APP: variants seen among roughly 807,000 people sequenced by gnomAD.
APP encodes the protein amyloid beta precursor protein.
A neutral mutation model predicts 101.4 loss-of-function variants in APP; 31 were observed. The observed-to-expected ratio is 0.31, with a 90% CI of 0.23 to 0.41. The LOEUF is 0.41. APP is among the 10% of genes least tolerant of loss of function. APP has a pLI of 1.00. For synonymous variants in APP, 366 were observed against 364.4 expected (o/e 1.00, Z -0.05); for missense variants, 839 against 1,003.7 (o/e 0.84, Z 2.22).
chr21:25,956,689 G>A (rs2041337036), intron 11 of APP, among the ~76,000 whole-genome samples: 1 of 152,172 alleles, frequency 6.6e-6, no homozygotes, highest in Non-Finnish European at 1.5e-5. Context: ...AAAACCAGTT[G>A]GAAGGTACAA....
intron 13 of APP, among the ~76,000 whole-genome samples, chr21:25,931,425 C>T (rs1342553891): frequency 6.6e-6 from 1 of 152,218 alleles, no homozygotes; most frequent in Non-Finnish European, 1.5e-5. Flanking sequence ...GAGGAATACA[C>T]TGACCTATAC....
At chr21:26,028,995 G>T (rs1239038849) in intron 5 of APP, among the ~76,000 whole-genome samples, 3 of 152,102 alleles carry the variant, frequency 2.0e-5, no homozygotes, top group African/African-American at 4.8e-5. Context: ...CTGAAGTCGG[G>T]CACGGCAAAA....
intron 15 of APP, among the ~76,000 whole-genome samples, chr21:25,900,249 C>T (rs939375286): frequency 2.6e-5 from 4 of 151,942 alleles, no homozygotes; most frequent in South Asian, 2.1e-4. Flanking sequence ...GATCTGGCAA[C>T]GTGCCAAGCA....
At position 25,970,911 on chromosome 21, in the gene APP, A is replaced by C. The variant is rs140464952; in HGVS notation, c.1458+4159T>G. On this transcript the variant is annotated intron_variant, in intron 11 of 17. Coordinates refer to ENST00000346798, the MANE Select transcript of APP (RefSeq NM_000484.4). ...AAGAAAAATCAAAATGGTGAGGAAA[A>C]TCGGTGCAAATGGGTGACTTTCTGG... 3.3e-5 allele frequency among the ~76,000 whole-genome samples: 5 copies of C among 152,318 alleles called. No individual in the cohort carries two copies. The East Asian group carries it at 9.6e-4, about 29-fold the overall frequency.
chr21:26,046,605 C>T (rs185871816), intron 5 of APP, among the ~76,000 whole-genome samples: 34 of 152,056 alleles, frequency 2.2e-4, no homozygotes, highest in Admixed American at 6.5e-4. Context: ...TCTCAGCACA[C>T]GCTCACCAGT....
At chr21:26,053,443 T>C in intron 3 of APP, 95 bp from the exon 4 acceptor site, 1 of 933,780 alleles carries the variant, frequency 1.1e-6, no homozygotes. Context: ...CAAGACAAGT[T>C]AAACAGCCTT....
chr21:25,975,017 C>T (rs2042171355), intron 11 of APP, 53 bp downstream of exon 11: 1 of 1,611,436 alleles, frequency 6.2e-7, no homozygotes, highest in Admixed American at 1.7e-5. Context: ...GTGCCCCACC[C>T]TTACTGTCTG....
At chr21:25,906,985 C>T (rs2038825865) in intron 14 of APP, among the ~76,000 whole-genome samples, 2 of 152,290 alleles carry the variant, frequency 1.3e-5, no homozygotes, top group South Asian at 2.1e-4. Context: ...AATGTCACCA[C>T]TTACTTTCTC....
Position 26,042,238 on chromosome 21 carries a change from AT to A in APP, c.662+8761del, listed in dbSNP as rs1372573210. ...ACTCCAGAGATACAAATAAAAAGAT[AT>A]ATAGTCAAATACAGCCTCTCTTTCT... is the stretch of plus-strand genomic sequence containing the variant. On this transcript the variant is annotated intron_variant, in intron 5 of 17. Coordinates refer to ENST00000346798, the MANE Select transcript of APP (RefSeq NM_000484.4). Among the ~76,000 whole-genome samples the A allele has an allele frequency of 4.6e-5, 7 of 152,352 alleles. No homozygotes were observed. In the East Asian group the frequency reaches 1.4e-3, roughly 29 times the overall value.
In APP at chr21:26,021,896, G is replaced by A. The variant is rs1268553893; in HGVS notation, c.809C>T (p.Thr270Ile). 3 of 1,613,566 alleles carry A rather than the reference G, an allele frequency of 1.9e-6. No homozygotes were observed. The South Asian group carries it at 3.3e-5, about 18-fold the overall frequency. Residue 270 changes from threonine to isoleucine, a missense_variant, in exon 6 of 18, where the codon ACC (threonine) becomes ATC (isoleucine). Coordinates refer to ENST00000346798, the MANE Select transcript of APP (RefSeq NM_000484.4). ...EPYEEATERT[T>I]SIATTTTTTT... ...GGTGGTGGTGGTGGTGGCAATGCTG[G>A]TGGTTCTCTCTGTGGCTTCTTCGTA... is the stretch of plus-strand genomic sequence containing the variant.
chr21:26,142,656 C>T (rs879443964), intron 1 of APP, among the ~76,000 whole-genome samples: 3 of 152,048 alleles, frequency 2.0e-5, no homozygotes, highest in Non-Finnish European at 2.9e-5. Context: ...GTAGTCCCAG[C>T]TACTCAGGAG....
At chr21:25,938,999 A>G (rs147388186) in intron 13 of APP, among the ~76,000 whole-genome samples, 67 of 152,322 alleles carry the variant, frequency 4.4e-4, no homozygotes, top group African/African-American at 1.4e-3. Context: ...TAAATAAAAA[A>G]CATCTGATTT....
At chr21:26,002,199 G>A (rs1003247697) in intron 6 of APP, among the ~76,000 whole-genome samples, 3 of 152,220 alleles carry the variant, frequency 2.0e-5, no homozygotes, top group Non-Finnish European at 4.4e-5. Flanking sequence ...CTTCATGTCC[G>A]TTGCATGGCG....
At chr21:26,146,668 G>C (rs1351136410) in intron 1 of APP, among the ~76,000 whole-genome samples, 6 of 152,196 alleles carry the variant, frequency 3.9e-5, no homozygotes, top group African/African-American at 1.4e-4. Flanking sequence ...GACTGGGTGA[G>C]AGCTGATCAT....
intron 8 of APP, among the ~76,000 whole-genome samples, chr21:25,992,424 C>T (rs987473413): frequency 6.6e-6 from 1 of 151,970 alleles, no homozygotes; most frequent in African/African-American, 2.4e-5. Context: ...TATCTTCAGA[C>T]TTTTGTATAA....
chr21:26,088,894 A>T (rs1250937821), intron 3 of APP, among the ~76,000 whole-genome samples: 1 of 152,218 alleles, frequency 6.6e-6, no homozygotes, highest in East Asian at 1.9e-4. Context: ...TCTTCTTTCT[A>T]ATGCCCAGTG....
At chr21:26,087,043 C>A (rs1248594736) in intron 3 of APP, among the ~76,000 whole-genome samples, 1 of 152,158 alleles carries the variant, frequency 6.6e-6, no homozygotes, top group Non-Finnish European at 1.5e-5. Flanking sequence ...ACACCTATGT[C>A]CCTATGTTAC....
intron 16 of APP, among the ~76,000 whole-genome samples, 165 bp from the exon 17 acceptor site, chr21:25,892,033 TTGA>T (rs2037730519): frequency 6.9e-6 from 1 of 144,930 alleles, no homozygotes; most frequent in Non-Finnish European, 1.5e-5. Flanking sequence ...GGTCAAATAT[TTGA>T]TGCTTACTTT....
intron 5 of APP, among the ~76,000 whole-genome samples, chr21:26,022,309 T>C (rs926198630): frequency 5.9e-5 from 9 of 151,910 alleles, no homozygotes; most frequent in Admixed American, 4.6e-4. Context: ...ACGGAGACAA[T>C]AAAAAGATCA....
Sources: gnomAD v4.1 joint callset for allele counts (sites outside exome capture counted in the v4.1 genomes callset) on GRCh38, gnomAD v4.1.1 for gene constraint, MANE v1.5 for transcripts, NCBI Gene and HGNC (gene_info 2026-07-23, HGNC 2026-07-21) for gene names.